FGFR2: variants seen among roughly 807,000 people sequenced by gnomAD.
FGFR2 encodes the protein fibroblast growth factor receptor 2.
Under a neutral mutation model 95.9 loss-of-function variants are expected in FGFR2, and 19 were observed. The ratio of observed to expected loss-of-function variants is 0.20; its 90% CI spans 0.14 to 0.29. The LOEUF (loss-of-function observed/expected upper bound fraction) is 0.29, where lower values mean the gene tolerates loss of function less well. Among genes scored for constraint, FGFR2 ranks in the 10% least tolerant of loss-of-function variants. The pLI is 1.00. For synonymous variants in FGFR2, 392 were observed against 393.3 expected (o/e 1.00, Z 0.04); for missense variants, 707 against 1,056.9 (o/e 0.67, Z 4.59).
At position 121,520,136 on chromosome 10, in the gene FGFR2, C is replaced by G. The variant is rs2134317872; in HGVS notation, c.782G>C (p.Gly261Ala). The G allele has an allele frequency of 6.2e-7, 1 of 1,613,960 alleles. No homozygotes were observed. Among genetic ancestry groups the G allele is most frequent in the Non-Finnish European group, 8.5e-7 (1 of 1,179,872 alleles). ...CACTGTGGAGGCATTTGCCGGCAGT[C>G]CGGCTTGGAGGATGGGCCGGTGAGG... ...RSPHRPILQA[G>A]LPANASTVVG... is the part of the protein sequence containing the mutation. The change falls in exon 7 of 18, where the codon GGA becomes GCA. Residue 261 changes from glycine (G) to alanine (A), a missense_variant. Physicochemically the swap from Gly to Ala is moderately conservative, Grantham distance 60 (BLOSUM62 0). Transcript: ENST00000358487.
chr10:121,479,782 G>C lies in FGFR2; in HGVS notation c.*75C>G, dbSNP rs2133675183. On this transcript the variant is annotated 3_prime_UTR_variant, in exon 18 of 18. Coordinates refer to ENST00000358487, the MANE Select transcript of FGFR2 (RefSeq NM_000141.5). Reference sequence around the variant, plus strand: ...ATACAAGTGGAGACAACAAGCTCTGGGAGGCATGGTCTCCCTGCTCAGTGT... The same window carrying C: ...ATACAAGTGGAGACAACAAGCTCTGCGAGGCATGGTCTCCCTGCTCAGTGT... The C allele has an allele frequency of 6.2e-7, 1 of 1,613,312 alleles. No individual in the cohort carries two copies.
chr10:121,572,158 G>GAAAAAAAAAA (rs71022844), intron 2 of FGFR2, among the ~76,000 whole-genome samples: 2 of 105,848 alleles, frequency 1.9e-5, no homozygotes, highest in African/African-American at 3.7e-5. Context: ...CACAAAAAAT[G>GAAAAAAAAAA]AAAAAAAAAA....
At chr10:121,510,435 G>T (rs1189870067) in intron 9 of FGFR2, among the ~76,000 whole-genome samples, 1 of 152,204 alleles carries the variant, frequency 6.6e-6, no homozygotes, top group Non-Finnish European at 1.5e-5. Context: ...TTCCAGTTAA[G>T]TCATCCGTGA....
At chr10:121,585,816 T>C (rs1354161991) in intron 2 of FGFR2, among the ~76,000 whole-genome samples, 2 of 152,244 alleles carry the variant, frequency 1.3e-5, no homozygotes, top group Admixed American at 6.5e-5. Context: ...CCACGATATA[T>C]ATTCAGTTGT....
At position 121,485,016 on chromosome 10, in the gene FGFR2, G is replaced by T. The variant is rs1461574973; in HGVS notation, c.2195+379C>A. 6.6e-6 allele frequency among the ~76,000 whole-genome samples: 1 copy of T among 152,096 alleles called. No individual in the cohort carries two copies. Among genetic ancestry groups the T allele is most frequent in the Non-Finnish European group, 1.5e-5 (1 of 68,008 alleles). On this transcript the variant is annotated intron_variant, in intron 16 of 17. Transcript: ENST00000358487. The surrounding 1 kb of genome is among the most constrained non-coding windows in gnomAD (Gnocchi z 4.2). Reference sequence around the variant, plus strand: ...CCTTAATCCTACACCCTGCAGGGCGGCCCCGCGGCTTTCTAGCTTGTTTCC... The same window carrying T: ...CCTTAATCCTACACCCTGCAGGGCGTCCCCGCGGCTTTCTAGCTTGTTTCC...
intron 6 of FGFR2, among the ~76,000 whole-genome samples, chr10:121,534,392 C>T (rs371376943): frequency 6.7e-6 from 1 of 149,722 alleles, no homozygotes; most frequent in Non-Finnish European, 1.5e-5. Context: ...CCACCGCGCC[C>T]GGCTTTCTTT....
intron 6 of FGFR2, among the ~76,000 whole-genome samples, chr10:121,521,110 T>C (rs551083607): frequency 2.9e-4 from 44 of 152,370 alleles, no homozygotes; most frequent in African/African-American, 9.6e-4. Flanking sequence ...TTTAGCTCTT[T>C]GATGAATATC....
At chr10:121,519,131 T>C (rs903722248) in intron 7 of FGFR2, among the ~76,000 whole-genome samples, 2 of 152,174 alleles carry the variant, frequency 1.3e-5, no homozygotes, top group Non-Finnish European at 2.9e-5. Flanking sequence ...GAACACTTCA[T>C]TGGCTGAAAG....
chr10:121,585,880 G>T (rs987649037), intron 2 of FGFR2, among the ~76,000 whole-genome samples: 1 of 152,230 alleles, frequency 6.6e-6, no homozygotes, highest in Admixed American at 6.5e-5. Context: ...AATCCAGGAG[G>T]CTTAGCAGGA....
chr10:121,555,626 T>C (rs1856028699), intron 4 of FGFR2, among the ~76,000 whole-genome samples: 1 of 152,154 alleles, frequency 6.6e-6, no homozygotes, highest in Non-Finnish European at 1.5e-5. Flanking sequence ...ATGTAATAGG[T>C]ACCACAAGAA....
intron 2 of FGFR2, among the ~76,000 whole-genome samples, chr10:121,591,007 GCACA>G (rs374221630): frequency 7.0e-6 from 1 of 143,570 alleles, no homozygotes; most frequent in African/African-American, 2.6e-5. Context: ...ACACACACAC[GCACA>G]CTCTCTCTCT....
Position 121,479,890 on chromosome 10 carries a change from C to T in FGFR2, c.2433G>A (p.Gln811=), listed in dbSNP as rs2133679577. Residue 811 remains glutamine (Q), a synonymous_variant, in exon 18 of 18, where the codon CAG becomes CAA. Transcript: ENST00000358487. ...DPMPYEPCLP[Q]YPHINGSVKT Reference sequence around the variant, plus strand: ...TAACACTGCCGTTTATGTGTGGATACTGAGGAAGGCATGGTTCGTAAGGCA... The same window carrying T: ...TAACACTGCCGTTTATGTGTGGATATTGAGGAAGGCATGGTTCGTAAGGCA... 1.2e-6 allele frequency: 2 copies of T among 1,614,082 alleles called. No homozygotes were observed. The highest frequency in any genetic ancestry group is 1.7e-6 in the Non-Finnish European group (2 of 1,180,012).
At chr10:121,537,010 A>AT (rs1852931660) in intron 6 of FGFR2, among the ~76,000 whole-genome samples, 1 of 152,190 alleles carries the variant, frequency 6.6e-6, no homozygotes. Context: ...TGATCAATGG[A>AT]TTTACAGTGT....
At chr10:121,496,457 G>T in intron 13 of FGFR2, 75 bp downstream of exon 13, 2 of 1,402,964 alleles carry the variant, frequency 1.4e-6, no homozygotes, top group Non-Finnish European at 2.0e-6. Flanking sequence ...AAATGAGCAT[G>T]TCCAAATTGC....
intron 13 of FGFR2, among the ~76,000 whole-genome samples, chr10:121,489,326 G>A (rs972780819): frequency 5.9e-5 from 9 of 151,864 alleles, no homozygotes; most frequent in African/African-American, 4.8e-5. Flanking sequence ...CATCCGCCTC[G>A]GCCTCCCAAA....
chr10:121,517,159 T>G lies in FGFR2; in HGVS notation c.1084+160A>C. 1 of 789,202 alleles carries G rather than the reference T, an allele frequency of 1.3e-6. No individual in the cohort carries two copies. The highest frequency in any genetic ancestry group is 2.1e-6 in the Non-Finnish European group (1 of 470,210). The allele number at this position is 789,202 out of a possible 1,614,324, so 48.9% of individuals were successfully genotyped here. ...TGTGGGATCTCACTGTGTGTGAATT[T>G]CCAAGGCAGTTTTCTTATCCCTGAG... is the stretch of plus-strand genomic sequence containing the variant. On this transcript the variant is annotated intron_variant, in intron 8 of 17. Transcript: ENST00000358487. The surrounding 1 kb of genome is among the most constrained non-coding windows in gnomAD (Gnocchi z 4.7).
At chr10:121,569,713 G>A (rs938498552) in intron 2 of FGFR2, among the ~76,000 whole-genome samples, 3 of 152,148 alleles carry the variant, frequency 2.0e-5, no homozygotes, top group African/African-American at 7.2e-5. Context: ...AGATAATGAT[G>A]TTTATCCATA....
intron 6 of FGFR2, chr10:121,527,753 T>C (rs1022188140): frequency 1.3e-5 from 2 of 152,158 alleles, no homozygotes; most frequent in African/African-American, 4.8e-5. Flanking sequence ...CCACACACAC[T>C]AGGCAGGAGG....
intron 13 of FGFR2, among the ~76,000 whole-genome samples, chr10:121,490,434 G>A (rs1056878202): frequency 6.6e-6 from 1 of 152,142 alleles, no homozygotes; most frequent in African/African-American, 2.4e-5. Flanking sequence ...AAAGTACTGG[G>A]ATTATAGGCG....
Sources: gnomAD v4.1 joint callset for allele counts (sites outside exome capture counted in the v4.1 genomes callset) on GRCh38, gnomAD v4.1.1 for gene constraint, Gnocchi (gnomAD v3.1) non-coding constraint, MANE v1.5 for transcripts, NCBI Gene and HGNC (gene_info 2026-07-23, HGNC 2026-07-21) for gene names.